The following CADM3 variants were observed in gnomAD, a reference collection of about 807,000 sequenced individuals.
The protein encoded by CADM3 is TSLC1-like 1.
In CADM3, 11 loss-of-function variants were observed where a neutral mutation model predicts 44.9. The observed-to-expected ratio is 0.25, with a 90% CI of 0.15 to 0.41. CADM3 has a LOEUF of 0.41. Among genes scored for constraint, CADM3 ranks in the 10% least tolerant of loss-of-function variants. The pLI is 1.00. For synonymous variants in CADM3, 207 were observed against 205.2 expected (o/e 1.01, Z -0.08); for missense variants, 426 against 512.0 (o/e 0.83, Z 1.62).
Position 159,193,681 on chromosome 1 carries a change from TTGTGTGCACTCAAG to T in CADM3, c.520+124_520+137del, listed in dbSNP as rs763324429. The T allele has an allele frequency of 1.8e-4, 261 of 1,473,018 alleles. 1 individual carries two copies. Among genetic ancestry groups the T allele is most frequent in the Non-Finnish European group, 2.3e-4 (249 of 1,068,348 alleles). The allele number at this position is 1,473,018 out of a possible 1,614,324, so 91.2% of individuals were successfully genotyped here. On this transcript the variant is annotated intron_variant, in intron 4 of 8. Transcript: ENST00000368125. ...AGAGAAAAGGGGAATGACATATATT[TTGTGTGCACTCAAG>T]TGCCTATGTGTGTGTTGGGGCCTAC...
At chr1:159,174,852 C>T (rs1249125947) in intron 1 of CADM3, among the ~76,000 whole-genome samples, 1 of 152,218 alleles carries the variant, frequency 6.6e-6, no homozygotes, top group East Asian at 1.9e-4. Context: ...AACACTGTGA[C>T]CAGCTTTCTT....
chr1:159,179,118 C>G (rs1371195848), intron 1 of CADM3, among the ~76,000 whole-genome samples: 1 of 151,980 alleles, frequency 6.6e-6, no homozygotes, highest in East Asian at 1.9e-4. Flanking sequence ...TTCCTAAGCC[C>G]CCTGTTCTCA....
At chr1:159,186,008 C>A (rs976674829) in intron 1 of CADM3, among the ~76,000 whole-genome samples, 4 of 152,158 alleles carry the variant, frequency 2.6e-5, no homozygotes, top group Non-Finnish European at 5.9e-5. Context: ...GGAATTATTT[C>A]AATCTGGGAC....
At chr1:159,184,581 G>C (rs908152993) in intron 1 of CADM3, among the ~76,000 whole-genome samples, 1 of 152,092 alleles carries the variant, frequency 6.6e-6, no homozygotes, top group Non-Finnish European at 1.5e-5. Context: ...TCCACCATCT[G>C]ACCTGTGCAC....
intron 4 of CADM3, 128 bp from the exon 5 acceptor site, chr1:159,193,742 T>C: frequency 4.1e-6 from 6 of 1,452,998 alleles, no homozygotes; most frequent in Non-Finnish European, 5.7e-6. Context: ...CACAACTTTC[T>C]AAGTTTATCT....
rs1650273832 is a variant in CADM3 at position 159,202,678 on chromosome 1, G to A, written c.*1756G>A. 6.6e-6 allele frequency: 1 copy of A among 152,204 alleles called. No homozygotes were observed. The allele number at this position is 152,204 out of a possible 1,614,324, so 9.4% of individuals were successfully genotyped here. A position where few individuals can be genotyped will look rare whatever the true frequency, so the allele number is the denominator to read the frequency against. ...TTGGCATCGCTCCCACCCTCCCCCAGCTTTTCCTCCCTGGTCTGACAATGG... is the reference window on the plus strand; with the variant it reads ...TTGGCATCGCTCCCACCCTCCCCCAACTTTTCCTCCCTGGTCTGACAATGG... On this transcript the variant is annotated 3_prime_UTR_variant, in exon 9 of 9. Transcript: ENST00000368125.
At chr1:159,185,787 C>T (rs35660185) in intron 1 of CADM3, among the ~76,000 whole-genome samples, 11 of 152,134 alleles carry the variant, frequency 7.2e-5, no homozygotes, top group African/African-American at 2.7e-4. Context: ...GTAGAAGATG[C>T]TTAGTATCTG....
At chr1:159,178,801 G>T (rs920293765) in intron 1 of CADM3, among the ~76,000 whole-genome samples, 4 of 152,144 alleles carry the variant, frequency 2.6e-5, no homozygotes, top group Non-Finnish European at 5.9e-5. Flanking sequence ...TAGCCAGCCT[G>T]TTCTTCACAT....
chr1:159,173,419 T>C (rs376728329), intron 1 of CADM3, among the ~76,000 whole-genome samples: 4 of 152,076 alleles, frequency 2.6e-5, no homozygotes, highest in South Asian at 2.1e-4. Context: ...CTCCCTATAG[T>C]TGGCTGGCTG....
rs1022941906 is a variant in CADM3, at chr1:159,171,661, G to T, written c.-105G>T. ...TCGGCCCCGGGCTCCGAAGCGGCTCGGGGGCGCCCTTTCGGTCAACATCGT... is the reference window on the plus strand; with the variant it reads ...TCGGCCCCGGGCTCCGAAGCGGCTCTGGGGCGCCCTTTCGGTCAACATCGT... On this transcript the variant is annotated 5_prime_UTR_variant, in exon 1 of 9. Transcript: ENST00000368125. The T allele has an allele frequency of 1.0e-4, 87 of 860,152 alleles. No homozygotes were observed. The African/African-American group carries it at 1.1e-3, about 11-fold the overall frequency. The allele number at this position is 860,152 out of a possible 1,614,324, so 53.3% of individuals were successfully genotyped here. A position where few individuals can be genotyped will look rare whatever the true frequency, so the allele number is the denominator to read the frequency against.
chr1:159,192,145 G>A (rs966073856), intron 2 of CADM3, 69 bp downstream of exon 2: 2 of 1,528,604 alleles, frequency 1.3e-6, no homozygotes, highest in Admixed American at 1.8e-5. Context: ...AGACACCGAG[G>A]GGAACTGTTC....
chr1:159,174,977 C>A (rs1648964986), intron 1 of CADM3, among the ~76,000 whole-genome samples: 1 of 152,228 alleles, frequency 6.6e-6, no homozygotes, highest in Admixed American at 6.5e-5. Flanking sequence ...TAACCTTGTA[C>A]TGCACTGCCC....
chr1:159,187,587 G>T (rs974617340), intron 1 of CADM3, among the ~76,000 whole-genome samples: 1 of 152,168 alleles, frequency 6.6e-6, no homozygotes, highest in Non-Finnish European at 1.5e-5. Context: ...CTATACTATG[G>T]TATGAGACGG....
chr1:159,198,836 A>G (rs1650019988), intron 7 of CADM3, among the ~76,000 whole-genome samples: 1 of 152,138 alleles, frequency 6.6e-6, no homozygotes, highest in Admixed American at 6.5e-5. Context: ...TCAATCCTCT[A>G]CATAGGTTGC....
intron 1 of CADM3, 103 bp downstream of exon 1, chr1:159,171,956 C>A: frequency 2.7e-6 from 2 of 746,608 alleles, no homozygotes; most frequent in Non-Finnish European, 3.7e-6. Context: ...TTGTTTGGAA[C>A]CGGGGTTAAA....
chr1:159,181,191 T>C (rs892976849), intron 1 of CADM3, among the ~76,000 whole-genome samples: 1 of 152,140 alleles, frequency 6.6e-6, no homozygotes, highest in Non-Finnish European at 1.5e-5. Flanking sequence ...AGGAACTTTT[T>C]CCCCCCAGTT....
rs544673523 is a variant in CADM3, at chr1:159,180,006, A to G, written c.88+8153A>G. Among the ~76,000 whole-genome samples the G allele has an allele frequency of 2.6e-5, 4 of 152,276 alleles. No homozygotes were observed. In the East Asian group the frequency reaches 7.7e-4, roughly 29 times the overall value. On this transcript the variant is annotated intron_variant, in intron 1 of 8. Transcript: ENST00000368125. ...CCTCCCATATTTTGATTTATCCTCA[A>G]TTGCCACTTAATGCCAACTCTTTTC...
chr1:159,184,813 CTG>C (rs1649356055), intron 1 of CADM3, among the ~76,000 whole-genome samples: 2 of 152,302 alleles, frequency 1.3e-5, no homozygotes, highest in Admixed American at 6.5e-5. Flanking sequence ...GTGTGAGACT[CTG>C]TGCTATGAGT....
chr1:159,193,882 G>T lies in CADM3; in HGVS notation c.533G>T (p.Arg178Leu). 6 of 1,613,770 alleles carry T rather than the reference G, an allele frequency of 3.7e-6. No homozygotes were observed. The highest frequency in any genetic ancestry group is 5.1e-6 in the Non-Finnish European group (6 of 1,179,800). Residue 178 changes from arginine to leucine, a missense_variant, in exon 5 of 9, where the codon CGC (arginine) becomes CTC (leucine). Arg to Leu is a moderately radical substitution (Grantham distance 102). This residue lies in a region of CADM3 where 362 missense variants were observed against 474.6 expected (regional missense o/e 0.76). Transcript: ENST00000368125. ...GDQELHGEPTRIQEDPNGKTF... is the reference protein window; with the variant it reads ...GDQELHGEPTLIQEDPNGKTF... ...TTCTGCACTCTAGGAGAACCAACCC[G>T]CATACAGGAAGATCCCAATGGTAAA...
Sources: allele counts gnomAD v4.1 joint callset (sites outside exome capture counted in the v4.1 genomes callset), GRCh38; gene constraint gnomAD v4.1.1; regional missense constraint gnomAD v4.1.1; transcripts MANE v1.5; gene names NCBI Gene and HGNC (gene_info 2026-07-23, HGNC 2026-07-21).